Variants in DPRX observed in about 807,000 individuals in gnomAD.
DPRX encodes divergent paired-related homeobox.
In DPRX, 11 loss-of-function variants were observed where a neutral mutation model predicts 8.4. The ratio of observed to expected loss-of-function variants is 1.31; its 90% CI spans 0.82 to 2.17. The LOEUF (loss-of-function observed/expected upper bound fraction) is 2.17. Among genes scored for constraint, DPRX ranks in the 30% most tolerant of loss-of-function variants. The pLI, the probability that DPRX is intolerant of heterozygous loss-of-function variation, is 0.00. For missense variants in DPRX, 211 were observed against 236.7 expected (o/e 0.89, Z 0.71); for synonymous variants, 72 against 87.0 (o/e 0.83, Z 0.96).
the DPRX span, among the ~76,000 whole-genome samples, chr19:53,626,565 A>G: frequency 2.0e-5 from 3 of 152,138 alleles, no homozygotes; most frequent in African/African-American, 7.2e-5. Context: ...AAAAAGAAAA[A>G]AAGACTAGAG....
chr19:53,618,205 C>T, the DPRX span, among the ~76,000 whole-genome samples: 12 of 151,084 alleles, frequency 7.9e-5, no homozygotes, highest in Non-Finnish European at 1.6e-4. Context: ...ACTATAATAG[C>T]AAATATAGTG....
the DPRX span, among the ~76,000 whole-genome samples, chr19:53,613,801 G>T: frequency 6.6e-6 from 1 of 152,132 alleles, no homozygotes; most frequent in South Asian, 2.1e-4. Context: ...GGCCCCTAAT[G>T]AGCCCCCCTA....
chr19:53,605,802 C>G, the DPRX span, among the ~76,000 whole-genome samples: 1 of 151,844 alleles, frequency 6.6e-6, no homozygotes, highest in Non-Finnish European at 1.5e-5. Context: ...GTAGCTGGGA[C>G]TACAGGCACG....
chr19:53,622,491 C>CT, the DPRX span, among the ~76,000 whole-genome samples: 1 of 152,090 alleles, frequency 6.6e-6, no homozygotes, highest in African/African-American at 2.4e-5. Context: ...TGATTCTACC[C>CT]TCCCTTGGTG....
the DPRX span, among the ~76,000 whole-genome samples, chr19:53,607,253 T>C: frequency 6.6e-6 from 1 of 152,048 alleles, no homozygotes; most frequent in Non-Finnish European, 1.5e-5. Context: ...CAGGCCCCAC[T>C]CCTGTGTCCA....
At chr19:53,608,096 C>G in the DPRX span, among the ~76,000 whole-genome samples, 4 of 146,896 alleles carry the variant, frequency 2.7e-5, no homozygotes, top group Non-Finnish European at 5.9e-5. Flanking sequence ...CGCTTGAACC[C>G]GGGAGGCAGA....
the DPRX span, among the ~76,000 whole-genome samples, chr19:53,624,157 G>A: frequency 5.6e-5 from 7 of 124,868 alleles, no homozygotes; most frequent in African/African-American, 9.3e-5. Flanking sequence ...GCGCAATCTC[G>A]ACTCACTTCA....
At chr19:53,603,746 C>CTTTTT in the DPRX span, among the ~76,000 whole-genome samples, 3 of 140,400 alleles carry the variant, frequency 2.1e-5, no homozygotes, top group Non-Finnish European at 4.7e-5. Flanking sequence ...TCTTTTCTTT[C>CTTTTT]TTTTTTTTTT....
the DPRX span, among the ~76,000 whole-genome samples, chr19:53,621,720 G>T: frequency 3.7e-4 from 56 of 151,834 alleles, no homozygotes; most frequent in Non-Finnish European, 7.4e-4. Context: ...GGAGGTAGAG[G>T]TTGCAGTAAG....
the DPRX span, among the ~76,000 whole-genome samples, chr19:53,601,688 G>C: frequency 6.6e-6 from 1 of 151,858 alleles, no homozygotes; most frequent in Non-Finnish European, 1.5e-5. Context: ...CACCATGTTG[G>C]TCAGGCTGGT....
At chr19:53,619,707 T>C in the DPRX span, among the ~76,000 whole-genome samples, 1 of 146,710 alleles carries the variant, frequency 6.8e-6, no homozygotes, top group African/African-American at 2.5e-5. Context: ...CAGAAAAAAT[T>C]AGCTGGGCCT....
chr19:53,621,967 C>G, the DPRX span, among the ~76,000 whole-genome samples: 4 of 152,070 alleles, frequency 2.6e-5, no homozygotes, highest in Non-Finnish European at 5.9e-5. Flanking sequence ...TCCCCCACGT[C>G]GTCTACATTT....
chr19:53,632,312 TTGTC>T (rs1211248906), intron 1 of DPRX, among the ~76,000 whole-genome samples, 178 bp downstream of exon 1: 7 of 151,988 alleles, frequency 4.6e-5, no homozygotes, highest in South Asian at 2.1e-4. Context: ...TTTGTTTTGT[TTGTC>T]TTTTGAGACA....
At chr19:53,636,945 C>G (rs774947764) in exon 3 of DPRX, 1 of 1,612,112 alleles carries the variant, frequency 6.2e-7, no homozygotes. Context: ...AGCTTCCATT[C>G]TGGCTCTCCT....
the DPRX span, among the ~76,000 whole-genome samples, chr19:53,619,322 C>A: frequency 6.6e-6 from 1 of 152,048 alleles, no homozygotes; most frequent in Non-Finnish European, 1.5e-5. Flanking sequence ...GAGCAGATCA[C>A]AAGGTCGGGA....
At chr19:53,603,746 CTT>C in the DPRX span, among the ~76,000 whole-genome samples, 55 of 140,326 alleles carry the variant, frequency 3.9e-4, no homozygotes, top group African/African-American at 1.1e-3. Context: ...TCTTTTCTTT[CTT>C]TTTTTTTTTT....
the DPRX span, among the ~76,000 whole-genome samples, chr19:53,624,503 C>G: frequency 6.6e-6 from 1 of 151,858 alleles, no homozygotes; most frequent in Non-Finnish European, 1.5e-5. Context: ...ACTGAAGCCT[C>G]CCAGTTTCAA....
chr19:53,609,029 AC>A, the DPRX span, among the ~76,000 whole-genome samples: 1,473 of 151,556 alleles, frequency 9.7e-3, 29 homozygotes, highest in African/African-American at 0.033. Context: ...GAAAAGAAAG[AC>A]CTTACAATTC....
the DPRX span, among the ~76,000 whole-genome samples, chr19:53,608,983 A>AAGAAAGAAAG: frequency 7.0e-6 from 1 of 143,406 alleles, no homozygotes. Context: ...AAGGAAAGAA[A>AAGAAAGAAAG]AGAAAGAAAG....
Sources: gnomAD v4.1 joint callset for allele counts (sites outside exome capture counted in the v4.1 genomes callset) on GRCh38, gnomAD v4.1.1 for gene constraint, MANE v1.5 for transcripts, NCBI Gene and HGNC (gene_info 2026-07-23, HGNC 2026-07-21) for gene names.